EPG5: variants seen among roughly 807,000 people sequenced by gnomAD.
EPG5 encodes the protein ectopic P granules protein 5 homolog.
Under a neutral mutation model 302.7 loss-of-function variants are expected in EPG5, and 159 were observed. The ratio of observed to expected loss-of-function variants is 0.53; its 90% CI spans 0.46 to 0.60. The LOEUF (loss-of-function observed/expected upper bound fraction) is 0.60. Among genes scored for constraint, EPG5 ranks in the 20% least tolerant of loss-of-function variants. The pLI is 0.00. For missense variants in EPG5, 2,896 were observed against 3,092.4 expected, an observed-to-expected ratio of 0.94 and a Z score of 1.51; for synonymous variants, 1,158 against 1,136.8, an observed-to-expected ratio of 1.02 and a Z score of -0.37.
the EPG5 span, among the ~76,000 whole-genome samples, chr18:45,801,903 AG>A: frequency 1.3e-5 from 2 of 152,040 alleles, no homozygotes; most frequent in Admixed American, 6.6e-5. Flanking sequence ...GAGAGGGAGG[AG>A]CAGTGCCCAC....
intron 27 of EPG5, among the ~76,000 whole-genome samples, chr18:45,896,235 G>A (rs113952951): frequency 3.4e-4 from 52 of 152,278 alleles, no homozygotes; most frequent in African/African-American, 8.2e-4. Flanking sequence ...GCAAATCTGC[G>A]TTATCAGGCA....
chr18:45,946,709 C>T lies in EPG5; in HGVS notation c.1631G>A (p.Gly544Glu). The T allele has an allele frequency of 6.2e-7, 1 of 1,614,156 alleles. No homozygotes were observed. The highest frequency in any genetic ancestry group is 8.5e-7 in the Non-Finnish European group (1 of 1,180,028). Residue 544 changes from glycine (G) to glutamate (E), a missense_variant, in exon 7 of 44, where the codon GGG (glycine) becomes GAG (glutamate). Gly to Glu is a moderately conservative substitution (Grantham distance 98). Coordinates refer to ENST00000282041, the MANE Select transcript of EPG5 (RefSeq NM_020964.3). ...TAGCGTCCAAGTCCCAGACCCAGGC[C>T]CTGAGGAGGATGGCTTCCGCTCGCT... ...KPSERKPSSS[G>E]PGSGTWTLVD... is the part of the protein sequence containing the mutation.
the EPG5 span, chr18:45,840,279 C>T: frequency 6.3e-7 from 1 of 1,588,620 alleles, no homozygotes; most frequent in Non-Finnish European, 8.6e-7. Context: ...CCCTACCCCA[C>T]CCACCTAGTC....
chr18:45,861,299 T>C (rs942813780), intron 39 of EPG5, among the ~76,000 whole-genome samples: 3 of 152,244 alleles, frequency 2.0e-5, no homozygotes, highest in Non-Finnish European at 2.9e-5. Context: ...TGTATTTCTA[T>C]GGGTACAAAT....
intron 42 of EPG5, chr18:45,857,639 A>AT (rs1430462170): frequency 7.6e-6 from 4 of 522,900 alleles, no homozygotes; most frequent in East Asian, 3.1e-5. Flanking sequence ...TGAATTGAAA[A>AT]TTTTTTTTAA....
intron 6 of EPG5, among the ~76,000 whole-genome samples, chr18:45,947,148 C>T (rs2050800370): frequency 6.6e-6 from 1 of 152,192 alleles, no homozygotes; most frequent in African/African-American, 2.4e-5. Context: ...GGCGTGGTGG[C>T]TCACGCCTGT....
chr18:45,901,330 C>A (rs545863558), intron 25 of EPG5, among the ~76,000 whole-genome samples, 163 bp from the exon 26 acceptor site: 111 of 152,238 alleles, frequency 7.3e-4, no homozygotes, highest in Admixed American at 2.2e-3. Flanking sequence ...CCTAGACAGG[C>A]CTTGCATGAC....
chr18:45,801,081 G>A, the EPG5 span, among the ~76,000 whole-genome samples: 4 of 152,136 alleles, frequency 2.6e-5, no homozygotes, highest in Non-Finnish European at 4.4e-5. Context: ...TTGTCACCCA[G>A]GCTGGAGTGC....
the EPG5 span, among the ~76,000 whole-genome samples, chr18:45,804,465 C>T: frequency 2.6e-5 from 4 of 152,086 alleles, no homozygotes; most frequent in African/African-American, 9.7e-5. Flanking sequence ...AAAAGAAAAA[C>T]ATGCCTGGGC....
chr18:45,854,256 T>C (rs2048470377), intron 43 of EPG5, among the ~76,000 whole-genome samples: 1 of 152,260 alleles, frequency 6.6e-6, no homozygotes. Flanking sequence ...AGCTATTTTA[T>C]AAGCCCAGAT....
intron 6 of EPG5, among the ~76,000 whole-genome samples, chr18:45,947,986 G>A (rs2050823591): frequency 6.6e-6 from 1 of 151,964 alleles, no homozygotes; most frequent in Non-Finnish European, 1.5e-5. Flanking sequence ...TGTTGGCCAG[G>A]CTGGTCTCAA....
rs942247039 is a variant in EPG5, at chr18:45,939,634, A to G, written c.2065T>C (p.Leu689=). 1.2e-6 allele frequency: 2 copies of G among 1,614,050 alleles called. No individual in the cohort carries two copies. Among genetic ancestry groups the G allele is most frequent in the African/African-American group, 1.3e-5 (1 of 74,924 alleles). Reference sequence around the variant, plus strand: ...TTCAGCACATGTAGGACAGCCCTCAAAAACAGTTCATCAAATTCAACCTGT... The same window carrying G: ...TTCAGCACATGTAGGACAGCCCTCAGAAACAGTTCATCAAATTCAACCTGT... ...KLQVEFDELF[L]RAVLHVLKAK... Residue 689 remains leucine (L), a synonymous_variant, in exon 10 of 44, where the codon TTG becomes CTG. Transcript: ENST00000282041.
chr18:45,845,729 C>T (rs1025917589), downstream of EPG5, among the ~76,000 whole-genome samples: 2 of 152,202 alleles, frequency 1.3e-5, no homozygotes, highest in African/African-American at 4.8e-5. Flanking sequence ...ACATGCTCTT[C>T]CCAGGGGCTT....
chr18:45,810,029 A>T, the EPG5 span, among the ~76,000 whole-genome samples: 5 of 152,218 alleles, frequency 3.3e-5, no homozygotes, highest in African/African-American at 1.2e-4. Context: ...ATGAAATGGG[A>T]GATATTATAA....
chr18:45,815,134 A>G, the EPG5 span, among the ~76,000 whole-genome samples: 14 of 152,252 alleles, frequency 9.2e-5, no homozygotes, highest in East Asian at 2.5e-3. Flanking sequence ...GCTACCATTT[A>G]TTTCATCTGA....
At chr18:45,892,756 C>T (rs140051644) in intron 27 of EPG5, among the ~76,000 whole-genome samples, 17 of 152,308 alleles carry the variant, frequency 1.1e-4, no homozygotes, top group Middle Eastern at 3.4e-3. Flanking sequence ...CTATCCATAG[C>T]TCAGACGCTT....
At chr18:45,863,352 C>T (rs2048675658) in intron 39 of EPG5, among the ~76,000 whole-genome samples, 2 of 152,128 alleles carry the variant, frequency 1.3e-5, no homozygotes, top group South Asian at 4.1e-4. Flanking sequence ...TCCTTTCTTG[C>T]CTTCTTTGGA....
At chr18:45,867,794 A>ACAT in intron 36 of EPG5, 46 bp from the exon 37 acceptor site, 1 of 1,481,000 alleles carries the variant, frequency 6.8e-7, no homozygotes, top group South Asian at 1.2e-5. Flanking sequence ...TGTGCTATCT[A>ACAT]TGTATCTGGA....
At position 45,913,713 on chromosome 18, in the gene EPG5, G is replaced by C; in HGVS notation, c.3809C>G (p.Ala1270Gly). 6.2e-7 allele frequency: 1 copy of C among 1,614,066 alleles called. No homozygotes were observed. The highest frequency in any genetic ancestry group is 8.5e-7 in the Non-Finnish European group (1 of 1,179,968). ...CAGAACTGCTATTTGTACCTTCAGA[G>C]CTTGGTCAGGGGTGAAAGCAGAGTT... Reference protein sequence around the residue: ...VINSAFTPDQALKKAQTQLKL... With the variant: ...VINSAFTPDQGLKKAQTQLKL... The change falls in exon 21 of 44, where the codon GCT (alanine) becomes GGT (glycine). Residue 1270 changes from alanine to glycine, a missense_variant. Physicochemically the swap from Ala to Gly is moderately conservative, Grantham distance 60. Coordinates refer to ENST00000282041, the MANE Select transcript of EPG5 (RefSeq NM_020964.3).
Sources: gnomAD v4.1 joint callset for allele counts (sites outside exome capture counted in the v4.1 genomes callset) on GRCh38, gnomAD v4.1.1 for gene constraint, MANE v1.5 for transcripts, NCBI Gene and HGNC (gene_info 2026-07-23, HGNC 2026-07-21) for gene names.